CELF2: variants seen among roughly 807,000 people sequenced by gnomAD.
CELF2 encodes the protein CUG triplet repeat RNA-binding protein 2.
A neutral mutation model predicts 62.6 loss-of-function variants in CELF2; 8 were observed. The observed-to-expected ratio is 0.13, with a 90% CI of 0.07 to 0.23. The LOEUF (loss-of-function observed/expected upper bound fraction) is 0.23. CELF2 is among the 10% of genes least tolerant of loss of function. The probability of loss-of-function intolerance (pLI) is 1.00; values close to 1 mark genes in which losing one functional copy is unlikely to be tolerated. For synonymous variants in CELF2, 258 were observed against 250.0 expected, an observed-to-expected ratio of 1.03 and a Z score of -0.30; for missense variants, 333 against 671.0, an observed-to-expected ratio of 0.50 and a Z score of 5.56.
At chr10:11,205,023 G>GA (rs895819285) in intron 2 of CELF2, among the ~76,000 whole-genome samples, 62 of 152,306 alleles carry the variant, frequency 4.1e-4, no homozygotes, top group Middle Eastern at 6.8e-3. Context: ...TACAGTTGGG[G>GA]AAAATTTTGT....
chr10:10,745,439 A>G, the CELF2 span, among the ~76,000 whole-genome samples: 1 of 152,118 alleles, frequency 6.6e-6, no homozygotes, highest in Non-Finnish European at 1.5e-5. Context: ...ATATTCATCC[A>G]AATTCTTCTC....
At chr10:10,842,206 T>A (rs1315004497) in intron 1 of CELF2, among the ~76,000 whole-genome samples, 1 of 152,110 alleles carries the variant, frequency 6.6e-6, no homozygotes, top group Non-Finnish European at 1.5e-5. Flanking sequence ...TCTTTGTTAT[T>A]TCTACATTGC....
rs1409838819 is a variant in CELF2, at chr10:11,305,929, C to T, written c.977-8210C>T. On this transcript the variant is annotated intron_variant, in intron 9 of 12. Transcript: ENST00000633077. The surrounding 1 kb of genome is among the most constrained non-coding windows in gnomAD (Gnocchi z 4.8). ...CTGTTCTCCACACCCCACCCTGCCC[C>T]ACAAACAGTTTTCACAAAAGGCCAC... is the stretch of plus-strand genomic sequence containing the variant. Among the ~76,000 whole-genome samples, 2 of 152,206 alleles carry T rather than the reference C, an allele frequency of 1.3e-5. No homozygotes were observed. The highest frequency in any genetic ancestry group is 6.5e-5 in the Admixed American group (1 of 15,284).
chr10:10,847,455 T>C (rs564197761), intron 1 of CELF2, among the ~76,000 whole-genome samples: 19 of 152,264 alleles, frequency 1.2e-4, no homozygotes, highest in Admixed American at 2.6e-4. Flanking sequence ...TCCTGTGCGA[T>C]ACACATGCAG....
chr10:10,734,395 T>C, the CELF2 span, among the ~76,000 whole-genome samples: 1 of 152,236 alleles, frequency 6.6e-6, no homozygotes. Context: ...TATCCCGTTT[T>C]CTCTCCACTG....
chr10:11,031,874 C>G (rs553051550), intron 1 of CELF2, among the ~76,000 whole-genome samples: 22 of 152,120 alleles, frequency 1.4e-4, no homozygotes, highest in Non-Finnish European at 2.4e-4. Context: ...TGTCAAAATG[C>G]TGGGTTTCCA....
At chr10:10,746,094 T>G in the CELF2 span, among the ~76,000 whole-genome samples, 1 of 152,368 alleles carries the variant, frequency 6.6e-6, no homozygotes, top group South Asian at 2.1e-4. Context: ...TCCAGCCCCT[T>G]GAATCTTAAC....
chr10:10,749,749 A>C, the CELF2 span, among the ~76,000 whole-genome samples: 1 of 152,384 alleles, frequency 6.6e-6, no homozygotes, highest in East Asian at 1.9e-4. Context: ...GAAGCAAATT[A>C]GTAAAAATGT....
At chr10:11,301,744 A>G (rs1463766956) in intron 9 of CELF2, among the ~76,000 whole-genome samples, 1 of 150,598 alleles carries the variant, frequency 6.6e-6, no homozygotes, top group African/African-American at 2.4e-5. Flanking sequence ...GGCTTTACCC[A>G]CTCTGTTTCT....
At chr10:10,472,941 T>G in the CELF2 span, among the ~76,000 whole-genome samples, 2 of 152,016 alleles carry the variant, frequency 1.3e-5, no homozygotes, top group Non-Finnish European at 2.9e-5. Flanking sequence ...TCTATGAATT[T>G]TCTTCTATAT....
the CELF2 span, among the ~76,000 whole-genome samples, chr10:10,500,466 T>C: frequency 6.6e-6 from 1 of 152,200 alleles, no homozygotes; most frequent in Non-Finnish European, 1.5e-5. Flanking sequence ...GCTCTCATGA[T>C]CGTGAATAAG....
chr10:10,742,871 C>T, the CELF2 span, among the ~76,000 whole-genome samples: 1 of 152,174 alleles, frequency 6.6e-6, no homozygotes, highest in South Asian at 2.1e-4. Flanking sequence ...AAGAGAGTGG[C>T]ATCTTCATGA....
At chr10:10,767,981 G>A in the CELF2 span, among the ~76,000 whole-genome samples, 27 of 89,086 alleles carry the variant, frequency 3.0e-4, 1 homozygote, top group South Asian at 4.4e-4. Flanking sequence ...GGGCGACAGA[G>A]CGAGACTCCG....
At chr10:10,767,191 C>T in the CELF2 span, among the ~76,000 whole-genome samples, 1 of 152,064 alleles carries the variant, frequency 6.6e-6, no homozygotes, top group Non-Finnish European at 1.5e-5. Flanking sequence ...TCATAAATCA[C>T]CCCAACAACC....
chr10:10,967,914 G>C (rs1308518325), intron 2 of CELF2, among the ~76,000 whole-genome samples: 1 of 143,320 alleles, frequency 7.0e-6, no homozygotes, highest in Non-Finnish European at 1.5e-5. Flanking sequence ...AGTTATTAAG[G>C]TAAGCACACA....
the CELF2 span, among the ~76,000 whole-genome samples, chr10:10,561,926 C>T: frequency 6.6e-6 from 1 of 152,152 alleles, no homozygotes; most frequent in Non-Finnish European, 1.5e-5. Context: ...CCCCTGCTCT[C>T]ACTTTCTCCT....
At chr10:10,943,185 A>C (rs903713648) in intron 2 of CELF2, among the ~76,000 whole-genome samples, 1 of 152,124 alleles carries the variant, frequency 6.6e-6, no homozygotes, top group Non-Finnish European at 1.5e-5. Context: ...CATCTCTCCA[A>C]CTGATGTCAT....
chr10:11,257,608 T>C lies in CELF2; in HGVS notation c.404-130T>C, dbSNP rs902636177. 12 of 949,214 alleles carry C rather than the reference T, an allele frequency of 1.3e-5. No homozygotes were observed. In the African/African-American group the frequency reaches 1.3e-4, roughly 10 times the overall value. The allele number at this position is 949,214 out of a possible 1,614,324, so 58.8% of individuals were successfully genotyped here. Reference sequence around the variant, plus strand: ...GGAGGGAGGAGGACAGCTGGACGTCTGCAGAGTTGGCCTTGGGACACGTGC... The same window carrying C: ...GGAGGGAGGAGGACAGCTGGACGTCCGCAGAGTTGGCCTTGGGACACGTGC... On this transcript the variant is annotated intron_variant, in intron 4 of 12. Transcript: ENST00000633077.
the CELF2 span, among the ~76,000 whole-genome samples, chr10:10,714,877 T>TAA: frequency 1.2e-4 from 17 of 145,886 alleles, no homozygotes; most frequent in African/African-American, 4.2e-4. Context: ...AAGCCTTATT[T>TAA]AAAAAAAAAA....
Sources: gnomAD v4.1 joint callset for allele counts (sites outside exome capture counted in the v4.1 genomes callset) on GRCh38, gnomAD v4.1.1 for gene constraint, Gnocchi (gnomAD v3.1) non-coding constraint, MANE v1.5 for transcripts, NCBI Gene and HGNC (gene_info 2026-07-23, HGNC 2026-07-21) for gene names.